CCDC102B: variants seen among roughly 807,000 people sequenced by gnomAD.
The protein encoded by CCDC102B is coiled-coil domain-containing protein 102B.
Under a neutral mutation model 57.4 loss-of-function variants are expected in CCDC102B, and 75 were observed. The observed-to-expected ratio is 1.31, with a 90% CI of 1.08 to 1.58. CCDC102B has a LOEUF of 1.58. Ranked by LOEUF, CCDC102B falls within the 40% of genes most tolerant of loss-of-function variation. The pLI is 0.00. For synonymous variants in CCDC102B, 206 were observed against 201.9 expected (o/e 1.02, Z -0.17); for missense variants, 636 against 582.6 (o/e 1.09, Z -0.94).
At chr18:68,929,151 A>G (rs1599707174) in intron 6 of CCDC102B, among the ~76,000 whole-genome samples, 1 of 151,920 alleles carries the variant, frequency 6.6e-6, no homozygotes, top group Non-Finnish European at 1.5e-5. Flanking sequence ...TTGAAAGCTC[A>G]AGATCCATTT....
At chr18:68,878,576 G>A (rs918693703) in intron 5 of CCDC102B, among the ~76,000 whole-genome samples, 8 of 152,080 alleles carry the variant, frequency 5.3e-5, no homozygotes, top group Non-Finnish European at 8.8e-5. Flanking sequence ...AGAGACCCCA[G>A]AGAGTTAGCT....
chr18:69,048,347 C>A (rs1264790909), intron 7 of CCDC102B, among the ~76,000 whole-genome samples: 1 of 151,094 alleles, frequency 6.6e-6, no homozygotes, highest in Non-Finnish European at 1.5e-5. Flanking sequence ...TAATCTTGAA[C>A]CTATATAACA....
chr18:68,888,112 T>C (rs186899893), intron 5 of CCDC102B, among the ~76,000 whole-genome samples: 2 of 152,216 alleles, frequency 1.3e-5, no homozygotes, highest in African/African-American at 4.8e-5. Flanking sequence ...AGTGTTGATT[T>C]TAACATTTAT....
chr18:68,851,666 A>G (rs1009420834), intron 4 of CCDC102B, among the ~76,000 whole-genome samples: 3 of 152,210 alleles, frequency 2.0e-5, no homozygotes, highest in African/African-American at 7.2e-5. Context: ...AACATGAAGA[A>G]AAAGAGAGGT....
chr18:68,874,824 A>G, intron 5 of CCDC102B, 39 bp downstream of exon 5: 3 of 1,241,382 alleles, frequency 2.4e-6, no homozygotes, highest in African/African-American at 3.0e-5. Flanking sequence ...ATATTAAAAC[A>G]TAACTGACTG....
At chr18:68,857,403 TA>T (rs1390567276) in intron 4 of CCDC102B, among the ~76,000 whole-genome samples, 2 of 126,106 alleles carry the variant, frequency 1.6e-5, no homozygotes, top group African/African-American at 6.0e-5. Flanking sequence ...TTTAAATATA[TA>T]AATATATATA....
chr18:68,715,724 T>A (rs946716523), intron 1 of CCDC102B: 1 of 152,204 alleles, frequency 6.6e-6, no homozygotes, highest in Non-Finnish European at 1.5e-5. Flanking sequence ...TAAAGTAGTA[T>A]GAAATATTTA....
At chr18:69,000,000 T>C (rs1002257181) in intron 6 of CCDC102B, among the ~76,000 whole-genome samples, 3 of 152,196 alleles carry the variant, frequency 2.0e-5, no homozygotes, top group African/African-American at 7.2e-5. Flanking sequence ...CTGGGAATTG[T>C]AGAAAAGAAA....
At chr18:68,928,835 G>A (rs181175595) in intron 6 of CCDC102B, among the ~76,000 whole-genome samples, 12 of 151,952 alleles carry the variant, frequency 7.9e-5, no homozygotes, top group Admixed American at 7.2e-4. Context: ...TTAAAGAGGG[G>A]GGACAATGGA....
At chr18:69,056,023 T>C (rs187488125), downstream of CCDC102B, among the ~76,000 whole-genome samples, 66 of 152,216 alleles carry the variant, frequency 4.3e-4, no homozygotes, top group East Asian at 7.6e-3. Flanking sequence ...ACAAAGCATT[T>C]TCTAGATGTA....
At chr18:68,802,290 T>C (rs2035883006) in intron 1 of CCDC102B, among the ~76,000 whole-genome samples, 1 of 152,150 alleles carries the variant, frequency 6.6e-6, no homozygotes, top group Non-Finnish European at 1.5e-5. Flanking sequence ...CCTGCCATCC[T>C]ATTTTTGATA....
At chr18:68,956,396 AT>A (rs1281336240) in intron 6 of CCDC102B, among the ~76,000 whole-genome samples, 596 of 49,042 alleles carry the variant, frequency 0.012, 5 homozygotes, top group East Asian at 0.049. Context: ...TAATATATAT[AT>A]AAATATATTT....
chr18:68,896,832 A>G (rs1453139486), intron 5 of CCDC102B, among the ~76,000 whole-genome samples: 1 of 152,012 alleles, frequency 6.6e-6, no homozygotes, highest in Non-Finnish European at 1.5e-5. Flanking sequence ...AATTGAGTGA[A>G]TGAATAAATG....
intron 3 of CCDC102B, among the ~76,000 whole-genome samples, chr18:68,839,523 A>G (rs1227642359): frequency 6.6e-6 from 1 of 152,196 alleles, no homozygotes; most frequent in Non-Finnish European, 1.5e-5. Flanking sequence ...ATTATCATTA[A>G]AACATATCAA....
chr18:68,950,624 C>T (rs568851976), intron 6 of CCDC102B, among the ~76,000 whole-genome samples: 14 of 152,138 alleles, frequency 9.2e-5, no homozygotes, highest in East Asian at 1.9e-4. Flanking sequence ...CAATCTGTTT[C>T]CCCCTTGGTT....
At position 68,905,883 on chromosome 18, in the gene CCDC102B, T is replaced by G. The variant is rs561615869; in HGVS notation, c.1263+8455T>G. 9.8e-5 allele frequency among the ~76,000 whole-genome samples: 13 copies of G among 132,528 alleles called. 1 individual carries two copies. The South Asian group carries it at 3.4e-3, about 35-fold the overall frequency. 86.9% of individuals were successfully genotyped at this position (132,528 alleles called of 152,430 possible). ...ATCTCGGCTCACTGCAAGCTCCGCC[T>G]CCCGGGTTCACGCCGTTCTCCTGCC... On this transcript the variant is annotated intron_variant, in intron 6 of 7. Transcript: ENST00000360242.
intron 6 of CCDC102B, among the ~76,000 whole-genome samples, chr18:68,920,254 T>C (rs2041228857): frequency 6.6e-6 from 1 of 152,088 alleles, no homozygotes; most frequent in Non-Finnish European, 1.5e-5. Context: ...GGCATCACAC[T>C]ACCCAACTTC....
chr18:68,871,896 C>T (rs2039253975), intron 4 of CCDC102B, among the ~76,000 whole-genome samples: 1 of 152,046 alleles, frequency 6.6e-6, no homozygotes, highest in Non-Finnish European at 1.5e-5. Context: ...AAGTATGAGG[C>T]TGCATGTAGA....
intron 7 of CCDC102B, among the ~76,000 whole-genome samples, chr18:69,025,572 C>T (rs1168939321): frequency 1.3e-5 from 2 of 152,122 alleles, no homozygotes; most frequent in Non-Finnish European, 2.9e-5. Context: ...TATTGCTCTA[C>T]CAAGCAAGTC....
Sources: allele counts gnomAD v4.1 joint callset (sites outside exome capture counted in the v4.1 genomes callset), GRCh38; gene constraint gnomAD v4.1.1; transcripts MANE v1.5; gene names NCBI Gene and HGNC (gene_info 2026-07-23, HGNC 2026-07-21).